The following RAD51B variants were observed in gnomAD, a reference collection of about 807,000 sequenced individuals.
RAD51B encodes DNA repair protein RAD51 homolog 2.
A neutral mutation model predicts 42.2 loss-of-function variants in RAD51B; 38 were observed. The ratio of observed to expected loss-of-function variants is 0.90; its 90% CI spans 0.70 to 1.18. RAD51B has a LOEUF of 1.18. Among genes scored for constraint, RAD51B ranks in the 50% most tolerant of loss-of-function variants. RAD51B has a pLI of 0.00. For synonymous variants in RAD51B, 154 were observed against 145.2 expected (o/e 1.06, Z -0.43); for missense variants, 373 against 400.7 (o/e 0.93, Z 0.59).
At chr14:68,314,057 C>A (rs1028246025) in intron 8 of RAD51B, among the ~76,000 whole-genome samples, 4 of 152,128 alleles carry the variant, frequency 2.6e-5, no homozygotes, top group African/African-American at 9.7e-5. Flanking sequence ...ATGTGCATTA[C>A]CCACTTTTAA....
chr14:68,659,609 C>T (rs749198078), intron 11 of RAD51B, among the ~76,000 whole-genome samples: 24 of 152,274 alleles, frequency 1.6e-4, no homozygotes, highest in Admixed American at 9.8e-4. Context: ...GACACTGCAC[C>T]GGGGCAAGCC....
At chr14:68,477,207 A>G in intron 10 of RAD51B, among the ~76,000 whole-genome samples, 1 of 152,224 alleles carries the variant, frequency 6.6e-6, no homozygotes, top group East Asian at 1.9e-4. Flanking sequence ...AATGGCTACC[A>G]TCATAGTGGA....
chr14:68,354,989 G>A (rs1056234638), intron 8 of RAD51B, among the ~76,000 whole-genome samples: 2 of 152,080 alleles, frequency 1.3e-5, no homozygotes, highest in Admixed American at 6.6e-5. Context: ...GGTACTATCC[G>A]AGTACCTTCA....
intron 10 of RAD51B, among the ~76,000 whole-genome samples, chr14:68,603,231 C>T (rs9323517): frequency 0.012 from 1,777 of 152,238 alleles, 41 homozygotes; most frequent in African/African-American, 0.04. Context: ...TTATTGATCC[C>T]TATATCAAAT....
At chr14:67,834,953 A>G in intron 3 of RAD51B, 127 bp from the exon 4 acceptor site, 1 of 677,262 alleles carries the variant, frequency 1.5e-6, no homozygotes, top group Non-Finnish European at 2.5e-6. Flanking sequence ...TTTGTTGAAC[A>G]AATAAATAAT....
At chr14:68,081,410 C>T (rs896604700) in intron 7 of RAD51B, among the ~76,000 whole-genome samples, 15 of 152,080 alleles carry the variant, frequency 9.9e-5, no homozygotes, top group African/African-American at 1.7e-4. Context: ...GACATGTGTT[C>T]GGTTCACTCG....
chr14:68,465,961 AAT>A (rs1566900174), intron 9 of RAD51B, among the ~76,000 whole-genome samples: 8 of 107,860 alleles, frequency 7.4e-5, no homozygotes, highest in African/African-American at 2.1e-4. Flanking sequence ...AAAATAAATA[AAT>A]AAATAAATAA....
chr14:68,350,907 T>A (rs2139870855), intron 8 of RAD51B, among the ~76,000 whole-genome samples: 1 of 152,320 alleles, frequency 6.6e-6, no homozygotes, highest in South Asian at 2.1e-4. Flanking sequence ...TTAAGTAAAA[T>A]CACAAATAGG....
At chr14:67,825,109 GA>G (rs2040777733) in intron 2 of RAD51B, among the ~76,000 whole-genome samples, 5 of 104,208 alleles carry the variant, frequency 4.8e-5, no homozygotes, top group Non-Finnish European at 8.2e-5. Context: ...AAAAAAAAAG[GA>G]AAGAAACTCT....
intron 9 of RAD51B, among the ~76,000 whole-genome samples, chr14:68,467,179 G>A (rs2086007193): frequency 6.6e-6 from 1 of 152,212 alleles, no homozygotes; most frequent in South Asian, 2.1e-4. Flanking sequence ...TAGAGGTTCT[G>A]TAGAACCATA....
intron 7 of RAD51B, among the ~76,000 whole-genome samples, chr14:68,153,168 G>T (rs933487062): frequency 6.6e-6 from 1 of 151,956 alleles, no homozygotes; most frequent in Non-Finnish European, 1.5e-5. Flanking sequence ...GCCACTTTAC[G>T]TATAGTATAA....
chr14:67,852,371 C>T (rs914337312), intron 4 of RAD51B, among the ~76,000 whole-genome samples: 4 of 152,210 alleles, frequency 2.6e-5, no homozygotes, highest in African/African-American at 9.7e-5. Context: ...ACTCGGGGAT[C>T]CAAGGTTGGT....
At chr14:67,961,219 T>A (rs2074659472) in intron 7 of RAD51B, among the ~76,000 whole-genome samples, 1 of 152,046 alleles carries the variant, frequency 6.6e-6, no homozygotes, top group Non-Finnish European at 1.5e-5. Context: ...TTGCCCAGGC[T>A]GGTCTCAAAC....
At chr14:68,567,843 T>C (rs1027684533) in intron 10 of RAD51B, among the ~76,000 whole-genome samples, 8 of 152,186 alleles carry the variant, frequency 5.3e-5, no homozygotes, top group Non-Finnish European at 8.8e-5. Context: ...TCTCTGTAAG[T>C]AGATTTTAAG....
intron 10 of RAD51B, among the ~76,000 whole-genome samples, chr14:68,640,427 G>A (rs77119238): frequency 6.6e-5 from 10 of 152,066 alleles, no homozygotes; most frequent in Admixed American, 2.0e-4. Flanking sequence ...AATCCACTTC[G>A]TAAGGTGCTT....
intron 7 of RAD51B, among the ~76,000 whole-genome samples, chr14:68,198,417 G>A (rs2079418066): frequency 1.3e-5 from 2 of 151,916 alleles, no homozygotes; most frequent in South Asian, 4.2e-4. Context: ...CAATTTTTTT[G>A]GTATAAATAT....
In RAD51B at chr14:67,910,439, A is replaced by T. The variant is rs866284880; in HGVS notation, c.756+23235A>T. 3.6e-4 allele frequency among the ~76,000 whole-genome samples: 29 copies of T among 79,940 alleles called. 1 individual carries two copies. Among genetic ancestry groups the T allele is most frequent in the East Asian group, 2.7e-3 (11 of 4,032 alleles). 52.4% of individuals were successfully genotyped at this position (79,940 alleles called of 152,430 possible). On this transcript the variant is annotated intron_variant, in intron 7 of 10. Coordinates refer to ENST00000471583, the MANE Select transcript of RAD51B (RefSeq NM_133510.4). ...AAAAAAAAAAAAAAAAAAAAAAAAA[A>T]AAATATTTAAATAAAAATAATGTTT...
intron 9 of RAD51B, among the ~76,000 whole-genome samples, chr14:68,417,701 C>CA (rs1288090780): frequency 6.6e-6 from 1 of 152,218 alleles, no homozygotes; most frequent in African/African-American, 2.4e-5. Context: ...GCAACACAGA[C>CA]ACCCAAGTGG....
intron 8 of RAD51B, among the ~76,000 whole-genome samples, chr14:68,406,990 T>G (rs1203731646): frequency 6.6e-6 from 1 of 152,202 alleles, no homozygotes; most frequent in Admixed American, 6.5e-5. Context: ...ATAACACGCA[T>G]GAAGCTGTCA....
Sources: allele counts gnomAD v4.1 joint callset (sites outside exome capture counted in the v4.1 genomes callset), GRCh38; gene constraint gnomAD v4.1.1; transcripts MANE v1.5; gene names NCBI Gene and HGNC (gene_info 2026-07-23, HGNC 2026-07-21).